CNST: variants seen among roughly 807,000 people sequenced by gnomAD.
The protein encoded by CNST is consortin, connexin sorting protein.
CNST carries 39 observed loss-of-function variants against 72.4 expected under a neutral mutation model. That is an observed-to-expected ratio of 0.54 (90% CI 0.42 to 0.70). The LOEUF (loss-of-function observed/expected upper bound fraction) is 0.70, where lower values mean the gene tolerates loss of function less well. CNST is among the 30% of genes least tolerant of loss of function. CNST has a pLI of 0.00. For missense variants in CNST, 871 were observed against 868.5 expected (o/e 1.00, Z -0.04); for synonymous variants, 332 against 320.1 (o/e 1.04, Z -0.40).
intron 6 of CNST, among the ~76,000 whole-genome samples, chr1:246,639,770 G>A (rs546865998): frequency 8.5e-5 from 13 of 152,298 alleles, no homozygotes; most frequent in South Asian, 2.1e-4. Flanking sequence ...AGCACAAAGC[G>A]GTGTGGAGCA....
chr1:246,585,660 AAAAT>A (rs1198706013), intron 1 of CNST, among the ~76,000 whole-genome samples: 58 of 74,748 alleles, frequency 7.8e-4, no homozygotes, highest in Non-Finnish European at 1.3e-3. Context: ...AAAAAAAAAA[AAAAT>A]ATACACACAC....
chr1:246,590,287 G>A (rs1243231538), intron 1 of CNST, among the ~76,000 whole-genome samples: 1 of 152,132 alleles, frequency 6.6e-6, no homozygotes, highest in Admixed American at 6.6e-5. Context: ...GTTTCGCAGG[G>A]CTTCCTCATA....
chr1:246,629,563 A>G (rs1397802723), intron 3 of CNST, among the ~76,000 whole-genome samples: 1 of 152,244 alleles, frequency 6.6e-6, no homozygotes, highest in Admixed American at 6.5e-5. Context: ...GCTATTTATA[A>G]GTAACCATGT....
In CNST at chr1:246,635,151, G is replaced by A. The variant is rs1189492170; in HGVS notation, c.818+564G>A. Among the ~76,000 whole-genome samples, 11 of 152,224 alleles carry A rather than the reference G, an allele frequency of 7.2e-5. No homozygotes were observed. The East Asian group carries it at 1.9e-3, about 27-fold the overall frequency. The stretch of plus-strand genomic sequence containing the variant: ...ATTTGGTTATAGAAAAAGGGAAAAG[G>A]GGCAACTTTCTCCATAACTACTTCA... On this transcript the variant is annotated intron_variant, in intron 6 of 10. Transcript: ENST00000366513.
chr1:246,622,061 C>T (rs1448348162), intron 3 of CNST, among the ~76,000 whole-genome samples: 4 of 152,112 alleles, frequency 2.6e-5, no homozygotes, highest in African/African-American at 7.2e-5. Context: ...GACTGTGTCC[C>T]ACTCATCACT....
In CNST at chr1:246,583,843, C is replaced by T. The variant is rs182924107; in HGVS notation, c.-51-7669C>T. ...ATGTGGGGCAGGAGCATCGTGTTCC[C>T]ATTCAAAGGGCAACATTATATCATA... On this transcript the variant is annotated intron_variant, in intron 1 of 10. Coordinates refer to ENST00000366513, the MANE Select transcript of CNST (RefSeq NM_152609.3). Among the ~76,000 whole-genome samples, 122 of 152,282 alleles carry T rather than the reference C, an allele frequency of 8.0e-4. 3 individuals are homozygous for T. Among genetic ancestry groups the T allele is most frequent in the Non-Finnish European group, 1.3e-4 (9 of 68,018 alleles).
chr1:246,636,902 A>G (rs1324115606), intron 6 of CNST, among the ~76,000 whole-genome samples: 1 of 152,186 alleles, frequency 6.6e-6, no homozygotes, highest in African/African-American at 2.4e-5. Flanking sequence ...GGAAAGACTG[A>G]TAACACTCAC....
At chr1:246,595,095 G>T (rs568834467) in intron 2 of CNST, among the ~76,000 whole-genome samples, 20 of 152,254 alleles carry the variant, frequency 1.3e-4, no homozygotes, top group Admixed American at 3.3e-4. Context: ...GTCTGCCCGG[G>T]CTGGCCATGG....
chr1:246,601,414 A>C (rs1343354654), intron 2 of CNST, among the ~76,000 whole-genome samples: 1 of 152,186 alleles, frequency 6.6e-6, no homozygotes, highest in Non-Finnish European at 1.5e-5. Context: ...AATATTTGCC[A>C]AGCATTAGGA....
At chr1:246,629,263 T>G (rs1000672821) in intron 3 of CNST, among the ~76,000 whole-genome samples, 2 of 152,224 alleles carry the variant, frequency 1.3e-5, no homozygotes, top group African/African-American at 4.8e-5. Flanking sequence ...TCTGCTCTAC[T>G]GGGCTAGCTT....
intron 1 of CNST, among the ~76,000 whole-genome samples, chr1:246,569,012 G>C (rs1231433961): frequency 6.6e-6 from 1 of 152,136 alleles, no homozygotes; most frequent in African/African-American, 2.4e-5. Context: ...GGTATTACAG[G>C]CATGAGCCAC....
chr1:246,663,135 C>T (rs1667200592), intron 10 of CNST, among the ~76,000 whole-genome samples: 2 of 152,018 alleles, frequency 1.3e-5, no homozygotes, highest in African/African-American at 4.8e-5. Context: ...TCCTGGATCA[C>T]TCGAGGCCAG....
intron 3 of CNST, among the ~76,000 whole-genome samples, chr1:246,628,641 G>A (rs748875320): frequency 1.3e-5 from 2 of 151,996 alleles, no homozygotes; most frequent in Admixed American, 6.6e-5. Context: ...ATAGAAAATC[G>A]GGCCCTCCCT....
At chr1:246,611,522 G>A (rs1663315936) in intron 2 of CNST, among the ~76,000 whole-genome samples, 1 of 152,100 alleles carries the variant, frequency 6.6e-6, no homozygotes, top group Non-Finnish European at 1.5e-5. Flanking sequence ...TTATACAAAA[G>A]CATATTTTAG....
At chr1:246,639,425 G>A (rs1332128365) in intron 6 of CNST, among the ~76,000 whole-genome samples, 1 of 152,154 alleles carries the variant, frequency 6.6e-6, no homozygotes, top group East Asian at 1.9e-4. Context: ...TTAGTTTGCG[G>A]AGGTGGGAGG....
intron 1 of CNST, among the ~76,000 whole-genome samples, chr1:246,576,683 G>A (rs774817753): frequency 2.6e-5 from 4 of 151,580 alleles, no homozygotes; most frequent in Non-Finnish European, 4.4e-5. Context: ...TAATAGAGAC[G>A]GGATTTTTCC....
At chr1:246,576,366 T>G (rs1455831992) in intron 1 of CNST, among the ~76,000 whole-genome samples, 1 of 142,286 alleles carries the variant, frequency 7.0e-6, no homozygotes, top group Non-Finnish European at 1.5e-5. Context: ...AACTTTAATT[T>G]TTACAGAGCA....
At chr1:246,635,423 A>G (rs1468961798) in intron 6 of CNST, among the ~76,000 whole-genome samples, 1 of 151,836 alleles carries the variant, frequency 6.6e-6, no homozygotes, top group Non-Finnish European at 1.5e-5. Flanking sequence ...ATCCCCCTAA[A>G]TTAGAGAACC....
chr1:246,614,014 C>T (rs866488521), intron 2 of CNST, among the ~76,000 whole-genome samples: 1 of 151,916 alleles, frequency 6.6e-6, no homozygotes, highest in Admixed American at 6.6e-5. Context: ...CTTTAAATAA[C>T]CCTTCCCTAT....
Sources: gnomAD v4.1 joint callset for allele counts (sites outside exome capture counted in the v4.1 genomes callset) on GRCh38, gnomAD v4.1.1 for gene constraint, MANE v1.5 for transcripts, NCBI Gene and HGNC (gene_info 2026-07-23, HGNC 2026-07-21) for gene names.